DEFB134: variants seen among roughly 807,000 people sequenced by gnomAD.
DEFB134 encodes defensin beta 134.
A neutral mutation model predicts 7.4 loss-of-function variants in DEFB134; 7 were observed. The observed-to-expected ratio is 0.95, with a 90% CI of 0.54 to 1.79. DEFB134 has a LOEUF of 1.79. Ranked by LOEUF, DEFB134 falls within the 40% of genes most tolerant of loss-of-function variation. The probability of loss-of-function intolerance (pLI) is 0.00; values close to 1 mark genes in which losing one functional copy is unlikely to be tolerated. For synonymous variants in DEFB134, 33 were observed against 25.0 expected, an observed-to-expected ratio of 1.32 and a Z score of -0.96; for missense variants, 105 against 74.8, an observed-to-expected ratio of 1.40 and a Z score of -1.49.
exon 2 of DEFB134, chr8:11,994,073 G>A (rs1251769654): frequency 6.2e-7 from 1 of 1,613,642 alleles, no homozygotes; most frequent in South Asian, 1.1e-5. Context: ...GTCTGCAGAT[G>A]CCATTTTTAT....
At chr8:11,993,763 C>G in exon 2 of DEFB134, 1 of 498,956 alleles carries the variant, frequency 2.0e-6, no homozygotes, top group Non-Finnish European at 3.4e-6. Flanking sequence ...AAAATATCTT[C>G]TACATTGTTT....
At chr8:11,996,210 C>G (rs980019169) in exon 1 of DEFB134, 10 of 1,613,522 alleles carry the variant, frequency 6.2e-6, no homozygotes, top group African/African-American at 1.3e-5. Flanking sequence ...GCACTGGATC[C>G]CAAAGGAAAA....
At chr8:12,000,205 C>G (rs1248147885), upstream of DEFB134, among the ~76,000 whole-genome samples, 2 of 152,340 alleles carry the variant, frequency 1.3e-5, no homozygotes, top group South Asian at 2.1e-4. Flanking sequence ...GGTCCTCTTT[C>G]CCATTACAAA....
In DEFB134 at chr8:11,996,186, A is replaced by T; in HGVS notation, c.58+8T>A. The T allele has an allele frequency of 6.2e-7, 1 of 1,613,644 alleles. No homozygotes were observed. The highest frequency in any genetic ancestry group is 8.5e-7 in the Non-Finnish European group (1 of 1,179,642). On this transcript the variant is annotated splice_region_variant and intron_variant, in intron 1 of 1. Transcript: ENST00000526438. Reference sequence around the variant, plus strand: ...GCACCCCTACCCCCCAAAATATGCCAGTTTTACCTGCCAGCACTGGATCCC... The same window carrying T: ...GCACCCCTACCCCCCAAAATATGCCTGTTTTACCTGCCAGCACTGGATCCC...
At chr8:11,996,677 TCAGAGA>T (rs1163171790), upstream of DEFB134, among the ~76,000 whole-genome samples, 1 of 152,222 alleles carries the variant, frequency 6.6e-6, no homozygotes, top group Non-Finnish European at 1.5e-5. Flanking sequence ...ACTGCTCTTC[TCAGAGA>T]CAAACTGTCA....
chr8:11,999,734 C>G (rs1356279401), upstream of DEFB134, among the ~76,000 whole-genome samples: 1 of 152,206 alleles, frequency 6.6e-6, no homozygotes, highest in African/African-American at 2.4e-5. Context: ...GGCTCAGCGT[C>G]TGGTTCACTG....
upstream of DEFB134, among the ~76,000 whole-genome samples, chr8:11,997,651 A>T (rs1025126819): frequency 6.6e-6 from 1 of 152,228 alleles, no homozygotes; most frequent in Non-Finnish European, 1.5e-5. Context: ...TAAAGTGTTC[A>T]ATTCAAAAAG....
At chr8:11,994,188 C>A in intron 1 of DEFB134, 66 bp from the exon 3 acceptor site, 3 of 1,519,078 alleles carry the variant, frequency 2.0e-6, no homozygotes, top group Non-Finnish European at 2.6e-6. Context: ...ATTGCTAGTC[C>A]CTCAATTTTT....
At chr8:11,993,188 T>C (rs1450153848) in exon 2 of DEFB134, 5 of 152,214 alleles carry the variant, frequency 3.3e-5, no homozygotes, top group Non-Finnish European at 7.3e-5. Context: ...TTTAGGCAGT[T>C]TATTAGTTAC....
chr8:11,994,213 C>G (rs1800059331), intron 1 of DEFB134, 91 bp from the exon 3 acceptor site: 1 of 1,424,298 alleles, frequency 7.0e-7, no homozygotes, highest in African/African-American at 1.4e-5. Context: ...AACCGGATAC[C>G]AAGGAGATTT....
chr8:11,994,606 G>A (rs1585091664), intron 1 of DEFB134, among the ~76,000 whole-genome samples: 1 of 152,200 alleles, frequency 6.6e-6, no homozygotes, highest in South Asian at 2.1e-4. Context: ...CGCAGCCCAA[G>A]CTGACTAAAA....
upstream of DEFB134, among the ~76,000 whole-genome samples, chr8:11,996,913 T>C (rs879749465): frequency 2.0e-5 from 3 of 152,264 alleles, no homozygotes; most frequent in Admixed American, 6.5e-5. Context: ...ACATTTTTTA[T>C]TGAAGTATAA....
At chr8:11,997,590 G>A (rs538709960), upstream of DEFB134, among the ~76,000 whole-genome samples, 2 of 152,230 alleles carry the variant, frequency 1.3e-5, no homozygotes, top group Admixed American at 1.3e-4. Flanking sequence ...AGACAAAACA[G>A]ACTAAAAGCA....
rs1800050196 is a variant in DEFB134 at position 11,994,029 on chromosome 8, T to TA, written c.151dup (p.Tyr51LeufsTer19). ...ACAGCACTCCAGCTGAAACATACAG[T>TA]AGGCAACTAACATTTCACTCTCATA... On this transcript the variant is annotated frameshift_variant, in exon 2 of 2. Transcript: ENST00000526438. LOFTEE classifies it high-confidence loss of function. 6.2e-7 allele frequency: 1 copy of TA among 1,613,818 alleles called. No individual in the cohort carries two copies. The highest frequency in any genetic ancestry group is 8.5e-7 in the Non-Finnish European group (1 of 1,179,964).
At chr8:11,993,175 G>A (rs1800022039) in exon 2 of DEFB134, 1 of 152,200 alleles carries the variant, frequency 6.6e-6, no homozygotes, top group African/African-American at 2.4e-5. Flanking sequence ...GAGTCCAAAT[G>A]CATTTAGGCA....
exon 2 of DEFB134, chr8:11,993,305 T>C (rs975067093): frequency 1.3e-5 from 2 of 152,236 alleles, no homozygotes; most frequent in African/African-American, 4.8e-5. Flanking sequence ...ACTCTGCTGC[T>C]AAGGAACCAA....
At chr8:11,993,421 C>T (rs1323456158) in exon 2 of DEFB134, 1 of 152,324 alleles carries the variant, frequency 6.6e-6, no homozygotes, top group African/African-American at 2.4e-5. Context: ...TGAGAAATTA[C>T]CTTGTTCCAG....
At chr8:11,998,830 C>A (rs1255069257), upstream of DEFB134, among the ~76,000 whole-genome samples, 1 of 151,990 alleles carries the variant, frequency 6.6e-6, no homozygotes, top group Non-Finnish European at 1.5e-5. Flanking sequence ...CAAAAAAACA[C>A]AATCAGAAAC....
Position 11,994,187 on chromosome 8 carries a change from C to T in DEFB134, c.59-65G>A, listed in dbSNP as rs959357507. ...CTTTTTGGACCATAAAATTGCTAGT[C>T]CCTCAATTTTTATCCAACCGGATAC... On this transcript the variant is annotated intron_variant, in intron 1 of 1. Coordinates refer to ENST00000526438, the Ensembl canonical transcript of DEFB134. The T allele has an allele frequency of 3.3e-6, 5 of 1,525,756 alleles. No homozygotes were observed. In the African/African-American group the frequency reaches 7.0e-5, roughly 21 times the overall value. The allele number at this position is 1,525,756 out of a possible 1,614,324, so 94.5% of individuals were successfully genotyped here. A position where few individuals can be genotyped will look rare whatever the true frequency, so the allele number is the denominator to read the frequency against.
Sources: gnomAD v4.1 joint callset for allele counts (sites outside exome capture counted in the v4.1 genomes callset) on GRCh38, gnomAD v4.1.1 for gene constraint, MANE v1.5 for transcripts, NCBI Gene and HGNC (gene_info 2026-07-23, HGNC 2026-07-21) for gene names.